KIF16B: variants seen among roughly 807,000 people sequenced by gnomAD.
KIF16B encodes kinesin family member 16B.
Under a neutral mutation model 156.3 loss-of-function variants are expected in KIF16B, and 98 were observed. That is an observed-to-expected ratio of 0.63 (90% CI 0.53 to 0.74). The LOEUF is 0.74. Ranked by LOEUF, KIF16B falls within the 30% of genes least tolerant of loss-of-function variation. The pLI is 0.00. For missense variants in KIF16B, 1,421 were observed against 1,606.5 expected (o/e 0.88, Z 1.97); for synonymous variants, 564 against 583.7 (o/e 0.97, Z 0.49).
At chr20:16,564,394 T>A (rs2071175330) in intron 1 of KIF16B, among the ~76,000 whole-genome samples, 1 of 152,082 alleles carries the variant, frequency 6.6e-6, no homozygotes, top group East Asian at 1.9e-4. Flanking sequence ...GCAATAAACA[T>A]ACGTGTGCAT....
rs201626330 is a variant in KIF16B at position 16,374,422 on chromosome 20, G to A, written c.3198-13C>T. 8.8e-5 allele frequency: 134 copies of A among 1,516,586 alleles called. No homozygotes were observed. The highest frequency in any genetic ancestry group is 1.8e-4 in the Middle Eastern group (1 of 5,688). 93.9% of individuals were successfully genotyped at this position (1,516,586 alleles called of 1,614,324 possible). ...TTCATATTCTAACCTACACAGATAG[G>A]AGCCACATAATTCATTCATTAATAG... On this transcript the variant is annotated splice_polypyrimidine_tract_variant and intron_variant, in intron 19 of 25. Transcript: ENST00000354981.
rs2069535311 is a variant in KIF16B, at chr20:16,526,153, G to GT, written c.169dup (p.Thr57AsnfsTer3). 1 of 1,610,398 alleles carries GT rather than the reference G, an allele frequency of 6.2e-7. No homozygotes were observed. The highest frequency in any genetic ancestry group is 1.1e-5 in the South Asian group (1 of 90,044). On this transcript the variant is annotated frameshift_variant, in exon 3 of 26. Coordinates refer to ENST00000354981, the MANE Select transcript of KIF16B (RefSeq NM_024704.5). LOFTEE classifies it high-confidence loss of function. The stretch of plus-strand genomic sequence containing the variant: ...AGCAGAATAAAAAGAAAAGTCATAG[G>GT]TGAAGGTCTTGGTCCGTTCTCTTCC...
At chr20:16,562,120 C>G (rs1316938939) in intron 1 of KIF16B, among the ~76,000 whole-genome samples, 1 of 152,114 alleles carries the variant, frequency 6.6e-6, no homozygotes, top group Non-Finnish European at 1.5e-5. Context: ...TACTATTTTG[C>G]AACTTTACTA....
intron 14 of KIF16B, 110 bp from the exon 15 acceptor site, chr20:16,427,351 T>C (rs1021482588): frequency 9.5e-6 from 10 of 1,049,606 alleles, no homozygotes; most frequent in Admixed American, 2.5e-5. Flanking sequence ...CTCTTCCTTT[T>C]CCACATAAGT....
At chr20:16,290,370 G>C (rs1601502663) in intron 25 of KIF16B, among the ~76,000 whole-genome samples, 1 of 152,294 alleles carries the variant, frequency 6.6e-6, no homozygotes, top group East Asian at 1.9e-4. Flanking sequence ...AGCTGTGGCT[G>C]AACAGAATGA....
intron 12 of KIF16B, among the ~76,000 whole-genome samples, chr20:16,455,689 AG>A (rs1255105259): frequency 6.6e-6 from 1 of 152,222 alleles, no homozygotes; most frequent in Non-Finnish European, 1.5e-5. Flanking sequence ...ATTTAGAATA[AG>A]GAGAGAAAGA....
intron 1 of KIF16B, among the ~76,000 whole-genome samples, chr20:16,549,309 C>T (rs1458475776): frequency 2.0e-5 from 3 of 151,344 alleles, no homozygotes; most frequent in Admixed American, 6.6e-5. Context: ...TTCGATCTTG[C>T]GATAGTTTAC....
chr20:16,404,736 CT>C, intron 17 of KIF16B, 76 bp downstream of exon 17: 3 of 1,132,684 alleles, frequency 2.6e-6, no homozygotes, highest in Non-Finnish European at 4.0e-6. Flanking sequence ...TTATTTTTAC[CT>C]TGTGACTATA....
chr20:16,312,485 C>G (rs2063634418), intron 24 of KIF16B, 67 bp from the exon 25 acceptor site: 1 of 1,183,768 alleles, frequency 8.4e-7, no homozygotes. Flanking sequence ...TATTATTAAT[C>G]TATTATTTGA....
At chr20:16,345,228 T>C (rs2064210597) in intron 23 of KIF16B, among the ~76,000 whole-genome samples, 1 of 152,238 alleles carries the variant, frequency 6.6e-6, no homozygotes, top group Non-Finnish European at 1.5e-5. Context: ...TTCCCACACT[T>C]AATTGTCTCC....
rs749168387 is a variant in KIF16B at position 16,273,399 on chromosome 20, C to T, written c.3808G>A (p.Asp1270Asn). The change falls in exon 26 of 26, where the codon GAC becomes AAC. Residue 1270 changes from aspartate to asparagine, a missense_variant. Asp to Asn is a conservative substitution (Grantham distance 23). Coordinates refer to ENST00000354981, the MANE Select transcript of KIF16B (RefSeq NM_024704.5). ...RRSHLEKYLR[D>N]FFSVMLQSAT... ...GACTGGAGCATCACGCTGAAAAAGTCCCTGAGGTATTTCTGTGGAAGAGAC... is the reference window on the plus strand; with the variant it reads ...GACTGGAGCATCACGCTGAAAAAGTTCCTGAGGTATTTCTGTGGAAGAGAC... 1 of 1,613,870 alleles carries T rather than the reference C, an allele frequency of 6.2e-7. No individual in the cohort carries two copies. The highest frequency in any genetic ancestry group is 8.5e-7 in the Non-Finnish European group (1 of 1,179,982).
At chr20:16,468,568 T>C (rs141150492) in intron 12 of KIF16B, among the ~76,000 whole-genome samples, 2,511 of 94,122 alleles carry the variant, frequency 0.027, 100 homozygotes, top group African/African-American at 0.11. Context: ...AGAGCAAGAC[T>C]CCGTCTCAAA....
At chr20:16,362,370 C>T (rs1038334074) in intron 22 of KIF16B, among the ~76,000 whole-genome samples, 2 of 152,026 alleles carry the variant, frequency 1.3e-5, no homozygotes, top group South Asian at 2.1e-4. Flanking sequence ...AAAAGCAGAG[C>T]GCAAAGAGAA....
At chr20:16,401,639 G>C (rs1030046355) in intron 17 of KIF16B, among the ~76,000 whole-genome samples, 2 of 152,158 alleles carry the variant, frequency 1.3e-5, no homozygotes, top group African/African-American at 4.8e-5. Flanking sequence ...CATTCTAATA[G>C]GAAGTATACA....
intron 25 of KIF16B, among the ~76,000 whole-genome samples, chr20:16,281,474 T>C (rs1346574493): frequency 3.9e-5 from 6 of 152,184 alleles, no homozygotes; most frequent in African/African-American, 1.4e-4. Flanking sequence ...TGGCTATGTA[T>C]CACGCATCGA....
intron 15 of KIF16B, among the ~76,000 whole-genome samples, chr20:16,413,873 T>C (rs941061282): frequency 6.9e-6 from 1 of 145,902 alleles, no homozygotes; most frequent in Non-Finnish European, 1.5e-5. Context: ...GAAATGGTAT[T>C]GAGTGAGAGG....
intron 24 of KIF16B, among the ~76,000 whole-genome samples, chr20:16,333,080 T>TA (rs1186797341): frequency 6.6e-6 from 1 of 152,170 alleles, no homozygotes; most frequent in African/African-American, 2.4e-5. Context: ...CTCCACATGA[T>TA]AGAGTCCCTT....
intron 24 of KIF16B, among the ~76,000 whole-genome samples, chr20:16,317,946 G>A (rs558244330): frequency 1.6e-4 from 24 of 152,324 alleles, no homozygotes; most frequent in Non-Finnish European, 2.4e-4. Context: ...GAGAGCAAGC[G>A]TTTGGCTTTA....
In KIF16B at chr20:16,533,851, C is replaced by T. The variant is rs957427492; in HGVS notation, c.48-5411G>A. ...ATATCAAAAGATAATTACAGGTCATCAACATTAAGATCGAGGCCATCTATT... is the reference window on the plus strand; with the variant it reads ...ATATCAAAAGATAATTACAGGTCATTAACATTAAGATCGAGGCCATCTATT... On this transcript the variant is annotated intron_variant, in intron 1 of 25. Coordinates refer to ENST00000354981, the MANE Select transcript of KIF16B (RefSeq NM_024704.5). 4.5e-4 allele frequency among the ~76,000 whole-genome samples: 68 copies of T among 152,186 alleles called. 1 individual carries two copies. Among genetic ancestry groups the T allele is most frequent in the Non-Finnish European group, 6.6e-4 (45 of 68,022 alleles).
Sources: allele counts gnomAD v4.1 joint callset (sites outside exome capture counted in the v4.1 genomes callset), GRCh38; gene constraint gnomAD v4.1.1; transcripts MANE v1.5; gene names NCBI Gene and HGNC (gene_info 2026-07-23, HGNC 2026-07-21).